RORB: variants seen among roughly 807,000 people sequenced by gnomAD.
The protein encoded by RORB is nuclear receptor ROR-beta.
In RORB, 6 loss-of-function variants were observed where a neutral mutation model predicts 59.1. That is an observed-to-expected ratio of 0.10 (90% CI 0.06 to 0.20). The LOEUF (loss-of-function observed/expected upper bound fraction) is 0.20. RORB is among the 10% of genes least tolerant of loss of function. The probability of loss-of-function intolerance (pLI) is 1.00; values close to 1 mark genes in which losing one functional copy is unlikely to be tolerated. For missense variants in RORB, 320 were observed against 560.5 expected (o/e 0.57, Z 4.33); for synonymous variants, 215 against 204.5 (o/e 1.05, Z -0.44).
At chr9:74,511,394 A>G (rs1416827763) in intron 1 of RORB, among the ~76,000 whole-genome samples, 2 of 152,168 alleles carry the variant, frequency 1.3e-5, no homozygotes, top group Non-Finnish European at 2.9e-5. Context: ...ACTGTTAGAA[A>G]TCACCCCTTG....
chr9:74,519,712 G>T (rs545817442), intron 1 of RORB, among the ~76,000 whole-genome samples: 4 of 152,094 alleles, frequency 2.6e-5, no homozygotes, highest in East Asian at 3.9e-4. Context: ...CGAAGCTCGG[G>T]TTCATTGGTT....
At chr9:74,539,044 C>T (rs942986405) in intron 1 of RORB, among the ~76,000 whole-genome samples, 2 of 152,080 alleles carry the variant, frequency 1.3e-5, no homozygotes, top group South Asian at 2.1e-4. Context: ...ACACTCCCTG[C>T]CCCACTTATG....
chr9:74,587,965 G>A lies in RORB; in HGVS notation c.8-42317G>A, dbSNP rs79481385. Among the ~76,000 whole-genome samples, 933 of 152,146 alleles carry A rather than the reference G, an allele frequency of 6.1e-3. 14 individuals are homozygous for A. Among genetic ancestry groups the A allele is most frequent in the African/African-American group, 0.022 (894 of 41,488 alleles). ...TGGCATGAGTTTTGTCTGAAAAATC[G>A]TTCAAATATAAATGTGCATAATTTG... is the stretch of plus-strand genomic sequence containing the variant. On this transcript the variant is annotated intron_variant, in intron 1 of 9. Transcript: ENST00000376896.
chr9:74,552,149 T>C (rs1826620875), intron 1 of RORB, among the ~76,000 whole-genome samples: 1 of 151,930 alleles, frequency 6.6e-6, no homozygotes, highest in Non-Finnish European at 1.5e-5. Context: ...CTGGGAGAAA[T>C]TTGGGGTCAG....
intron 1 of RORB, among the ~76,000 whole-genome samples, chr9:74,578,122 A>T (rs1822665251): frequency 6.6e-6 from 1 of 151,974 alleles, no homozygotes; most frequent in East Asian, 1.9e-4. Context: ...GGGACTAAAC[A>T]CTGCCTCCTT....
chr9:74,669,082 C>T (rs1348987331), intron 8 of RORB, among the ~76,000 whole-genome samples: 1 of 152,214 alleles, frequency 6.6e-6, no homozygotes, highest in Non-Finnish European at 1.5e-5. Context: ...ACTAAGACCT[C>T]TACTAGCTCT....
Position 74,637,949 on chromosome 9 carries a change from G to A in RORB, c.235+3177G>A, listed in dbSNP as rs1029387268. On this transcript the variant is annotated intron_variant, in intron 3 of 9. Transcript: ENST00000376896. ...TTTCAACATCACAAGGAGTTCTGTC[G>A]GAGAAAAAGAGGAAGGAGAAGAGAG... 1.1e-4 allele frequency among the ~76,000 whole-genome samples: 16 copies of A among 152,178 alleles called. No individual in the cohort carries two copies. In the East Asian group the frequency reaches 1.2e-3, roughly 11 times the overall value.
chr9:74,668,127 T>C (rs1824296160), intron 8 of RORB, among the ~76,000 whole-genome samples: 1 of 152,188 alleles, frequency 6.6e-6, no homozygotes, highest in African/African-American at 2.4e-5. Flanking sequence ...TTAGGGGTTA[T>C]TCCAGATTCA....
intron 1 of RORB, among the ~76,000 whole-genome samples, chr9:74,615,075 A>G (rs1020159411): frequency 6.6e-6 from 1 of 152,200 alleles, no homozygotes; most frequent in African/African-American, 2.4e-5. Context: ...ACTACTTCAT[A>G]GACAACTGTA....
intron 4 of RORB, among the ~76,000 whole-genome samples, chr9:74,648,437 G>C (rs1587404860): frequency 1.3e-5 from 2 of 152,188 alleles, no homozygotes; most frequent in South Asian, 4.1e-4. Context: ...TCATCTTCCA[G>C]GGAGCTTTGG....
At chr9:74,650,541 T>A (rs1379721284) in intron 4 of RORB, among the ~76,000 whole-genome samples, 1 of 152,238 alleles carries the variant, frequency 6.6e-6, no homozygotes, top group African/African-American at 2.4e-5. Flanking sequence ...TGGGGAAACC[T>A]GTTAGAAATT....
chr9:74,531,503 T>A (rs1156672696), intron 1 of RORB, among the ~76,000 whole-genome samples: 1 of 151,958 alleles, frequency 6.6e-6, no homozygotes, highest in African/African-American at 2.4e-5. Flanking sequence ...AAGCTTGGGG[T>A]TTTATGCCAT....
rs1822453656 is a variant in RORB at position 74,565,400 on chromosome 9, C to T, written c.8-64882C>T. Among the ~76,000 whole-genome samples, 3 of 152,122 alleles carry T rather than the reference C, an allele frequency of 2.0e-5. No homozygotes were observed. In the South Asian group the frequency reaches 6.2e-4, roughly 32 times the overall value. ...ACAATGAATCTTTGAGACATATTCACTTCAAAATCAATATGTTGAGTAACA... is the reference window on the plus strand; with the variant it reads ...ACAATGAATCTTTGAGACATATTCATTTCAAAATCAATATGTTGAGTAACA... On this transcript the variant is annotated intron_variant, in intron 1 of 9. Coordinates refer to ENST00000376896, the MANE Select transcript of RORB (RefSeq NM_006914.4).
At chr9:74,656,285 A>G (rs1824078428) in intron 4 of RORB, among the ~76,000 whole-genome samples, 1 of 152,114 alleles carries the variant, frequency 6.6e-6, no homozygotes, top group Admixed American at 6.5e-5. Flanking sequence ...TTCTCCTTCA[A>G]AATTGTCTTG....
intron 1 of RORB, among the ~76,000 whole-genome samples, chr9:74,629,718 T>C (rs1233393066): frequency 6.6e-6 from 1 of 152,194 alleles, no homozygotes; most frequent in African/African-American, 2.4e-5. Context: ...TCCATCAATA[T>C]CCTTTATTAT....
chr9:74,658,730 G>A (rs758647285), intron 4 of RORB, among the ~76,000 whole-genome samples: 23 of 151,898 alleles, frequency 1.5e-4, no homozygotes, highest in Non-Finnish European at 3.2e-4. Flanking sequence ...AGACTGCCCC[G>A]GTGAAATTGA....
At chr9:74,567,560 G>A (rs1822487334) in intron 1 of RORB, among the ~76,000 whole-genome samples, 1 of 152,154 alleles carries the variant, frequency 6.6e-6, no homozygotes, top group African/African-American at 2.4e-5. Context: ...ACAGGAACAT[G>A]ATAAATGTAG....
intron 1 of RORB, among the ~76,000 whole-genome samples, chr9:74,526,820 A>G (rs1826161913): frequency 6.6e-6 from 1 of 151,956 alleles, no homozygotes; most frequent in Non-Finnish European, 1.5e-5. Flanking sequence ...GGGCTAATAT[A>G]CCTTTTAGAA....
chr9:74,501,742 C>T (rs1246010551), intron 1 of RORB, among the ~76,000 whole-genome samples: 1 of 138,114 alleles, frequency 7.2e-6, no homozygotes, highest in African/African-American at 2.6e-5. Context: ...AGTATTATGA[C>T]ACAGAAGTGC....
Sources: allele counts gnomAD v4.1 joint callset (sites outside exome capture counted in the v4.1 genomes callset), GRCh38; gene constraint gnomAD v4.1.1; transcripts MANE v1.5; gene names NCBI Gene and HGNC (gene_info 2026-07-23, HGNC 2026-07-21).